The following PLXNA4 variants were observed in gnomAD, a reference collection of about 807,000 sequenced individuals.
PLXNA4 encodes the protein plexin A4.
In PLXNA4, 44 loss-of-function variants were observed where a neutral mutation model predicts 191.8. That is an observed-to-expected ratio of 0.23 (90% CI 0.18 to 0.29). The LOEUF (loss-of-function observed/expected upper bound fraction) is 0.29. Ranked by LOEUF, PLXNA4 falls within the 10% of genes least tolerant of loss-of-function variation. PLXNA4 has a pLI of 1.00. For synonymous variants in PLXNA4, 1,082 were observed against 1,009.5 expected (o/e 1.07, Z -1.36); for missense variants, 1,800 against 2,488.8 (o/e 0.72, Z 5.89).
chr7:132,550,697 C>T (rs1023534247), intron 1 of PLXNA4, among the ~76,000 whole-genome samples: 2 of 152,220 alleles, frequency 1.3e-5, no homozygotes, highest in South Asian at 2.1e-4. Context: ...ACAGACTCAG[C>T]GGGAGGAGGA....
chr7:132,277,142 G>T (rs1800310948), intron 4 of PLXNA4, among the ~76,000 whole-genome samples: 1 of 152,186 alleles, frequency 6.6e-6, no homozygotes, highest in Admixed American at 6.5e-5. Flanking sequence ...ACATTCTCCA[G>T]AAACACGGGG....
At chr7:132,267,539 G>A (rs1799903278) in intron 4 of PLXNA4, among the ~76,000 whole-genome samples, 1 of 152,148 alleles carries the variant, frequency 6.6e-6, no homozygotes, top group South Asian at 2.1e-4. Flanking sequence ...GTGATCCACT[G>A]CTGTTAAGCT....
At chr7:132,196,271 A>G (rs1215659966) in intron 13 of PLXNA4, among the ~76,000 whole-genome samples, 1 of 152,226 alleles carries the variant, frequency 6.6e-6, no homozygotes, top group Non-Finnish European at 1.5e-5. Flanking sequence ...CCTACCTACC[A>G]TGCCACGCTG....
Position 132,508,368 on chromosome 7 carries a change from G to C in PLXNA4, c.326C>G (p.Thr109Ser), listed in dbSNP as rs762890659. ...RIVQTCNEPL[T>S]TTNNVNKMLL... ...CATCTTGTTGACATTGTTGGTGGTG[G>C]TCAGGGGCTCATTGCAGGTCTGGAC... Residue 109 changes from threonine to serine, a missense_variant, in exon 2 of 32, where the codon ACC becomes AGC. Around this residue, in one of 6 missense-constraint regions of PLXNA4, gnomAD observed 1,397 missense variants for 1,880.4 expected, o/e 0.74. Transcript: ENST00000321063. The surrounding 1 kb of genome is among the most constrained non-coding windows in gnomAD (Gnocchi z 4.4). 1 of 1,614,178 alleles carries C rather than the reference G, an allele frequency of 6.2e-7. No individual in the cohort carries two copies. Among genetic ancestry groups the C allele is most frequent in the Non-Finnish European group, 8.5e-7 (1 of 1,180,052 alleles).
intron 1 of PLXNA4, among the ~76,000 whole-genome samples, chr7:132,575,781 G>C (rs929242346): frequency 6.6e-6 from 1 of 152,208 alleles, no homozygotes; most frequent in African/African-American, 2.4e-5. Flanking sequence ...GCAGTGCCAC[G>C]CTTCAGAAAG....
chr7:132,540,281 C>T (rs1396726249), intron 1 of PLXNA4, among the ~76,000 whole-genome samples: 2 of 152,316 alleles, frequency 1.3e-5, no homozygotes, highest in South Asian at 2.1e-4. Flanking sequence ...TCATGGGACA[C>T]GTCTCCTGCT....
chr7:132,392,466 G>A (rs1343581488), intron 3 of PLXNA4, among the ~76,000 whole-genome samples: 4 of 152,144 alleles, frequency 2.6e-5, no homozygotes, highest in Admixed American at 2.6e-4. Flanking sequence ...ATCTTTCCAG[G>A]GCTGCCACTC....
Position 132,349,519 on chromosome 7 carries a change from C to G in PLXNA4, c.1372-51297G>C, listed in dbSNP as rs983100008. Among the ~76,000 whole-genome samples, 4 of 152,198 alleles carry G rather than the reference C, an allele frequency of 2.6e-5. No individual in the cohort carries two copies. In the South Asian group the frequency reaches 8.3e-4, roughly 32 times the overall value. On this transcript the variant is annotated intron_variant, in intron 3 of 31. Transcript: ENST00000321063. ...GCCTCAGGGCATCTCATTCCCACTC[C>G]TAGATGTAATTGATCATATTTGGAA...
chr7:132,178,554 AG>A (rs1469768254), intron 20 of PLXNA4, among the ~76,000 whole-genome samples: 1 of 152,224 alleles, frequency 6.6e-6, no homozygotes, highest in African/African-American at 2.4e-5. Context: ...TGGTGTTGCC[AG>A]GGTGGGGCCT....
At chr7:132,335,547 C>G (rs62466384) in intron 3 of PLXNA4, among the ~76,000 whole-genome samples, 17,256 of 152,204 alleles carry the variant, frequency 0.11, 1,217 homozygotes, top group Admixed American at 0.22. Context: ...CACCCCCACC[C>G]CCGGCACCGG....
At chr7:132,479,356 A>G (rs975724712) in intron 3 of PLXNA4, among the ~76,000 whole-genome samples, 1 of 152,120 alleles carries the variant, frequency 6.6e-6, no homozygotes, top group African/African-American at 2.4e-5. Flanking sequence ...CAAGGAAGGG[A>G]GAGCCTGTGA....
At chr7:132,209,830 AT>A (rs1434699252) in intron 10 of PLXNA4, among the ~76,000 whole-genome samples, 1 of 152,212 alleles carries the variant, frequency 6.6e-6, no homozygotes, top group African/African-American at 2.4e-5. Context: ...GCAGTGTGAC[AT>A]AGGAGGGGTC....
intron 3 of PLXNA4, among the ~76,000 whole-genome samples, chr7:132,410,038 G>A (rs1039132211): frequency 6.6e-6 from 1 of 152,314 alleles, no homozygotes; most frequent in East Asian, 1.9e-4. Context: ...GAAGCTGACT[G>A]TAGTTGCCTG....
intron 3 of PLXNA4, among the ~76,000 whole-genome samples, chr7:132,336,337 C>A (rs1802815240): frequency 6.6e-6 from 1 of 152,142 alleles, no homozygotes; most frequent in African/African-American, 2.4e-5. Flanking sequence ...AGCATCTGAT[C>A]CAGGCAACAC....
Position 132,484,949 on chromosome 7 carries a change from G to C in PLXNA4, c.1371+4343C>G, listed in dbSNP as rs780590688. 2.5e-6 allele frequency: 4 copies of C among 1,614,132 alleles called. No homozygotes were observed. The East Asian group carries it at 6.7e-5, about 27-fold the overall frequency. On this transcript the variant is annotated intron_variant, in intron 3 of 31. Coordinates refer to ENST00000321063, the MANE Select transcript of PLXNA4 (RefSeq NM_020911.2). ...TTCCTGAGAAGCAATGTTCGCCCCA[G>C]GTGGGTCTCCCTCCACTCCAATCCA... is the stretch of plus-strand genomic sequence containing the variant.
chr7:132,372,244 A>C (rs1804471854), intron 3 of PLXNA4, among the ~76,000 whole-genome samples: 1 of 152,254 alleles, frequency 6.6e-6, no homozygotes, highest in Non-Finnish European at 1.5e-5. Flanking sequence ...CCAATCCAAA[A>C]GAAGCAGAAA....
chr7:132,281,762 T>C (rs944069399), intron 4 of PLXNA4, among the ~76,000 whole-genome samples: 3 of 152,212 alleles, frequency 2.0e-5, no homozygotes, highest in African/African-American at 7.2e-5. Flanking sequence ...TTGTCAGAAC[T>C]GAAAAGGTCA....
chr7:132,611,580 G>T (rs1331937531), intron 2 of PLXNA4, among the ~76,000 whole-genome samples: 1 of 152,188 alleles, frequency 6.6e-6, no homozygotes, highest in Admixed American at 6.5e-5. Context: ...ACCCAAAGGT[G>T]GGGGAATTTA....
At chr7:132,471,778 CAT>C (rs1292383634) in intron 3 of PLXNA4, among the ~76,000 whole-genome samples, 2 of 152,134 alleles carry the variant, frequency 1.3e-5, no homozygotes, top group Non-Finnish European at 2.9e-5. Flanking sequence ...CACTTCCCCA[CAT>C]ATGGACTTGT....
Sources: gnomAD v4.1 joint callset for allele counts (sites outside exome capture counted in the v4.1 genomes callset) on GRCh38, gnomAD v4.1.1 for gene constraint, gnomAD v4.1.1 regional missense constraint, Gnocchi (gnomAD v3.1) non-coding constraint, MANE v1.5 for transcripts, NCBI Gene and HGNC (gene_info 2026-07-23, HGNC 2026-07-21) for gene names.